The following HIVEP2 variants were observed in gnomAD, a reference collection of about 807,000 sequenced individuals.
The protein encoded by HIVEP2 is transcription factor HIVEP2.
HIVEP2 carries 14 observed loss-of-function variants against 180.7 expected under a neutral mutation model. The observed-to-expected ratio is 0.08, with a 90% confidence interval of 0.05 to 0.12. The LOEUF is 0.12. Among genes scored for constraint, HIVEP2 ranks in the 10% least tolerant of loss-of-function variants. HIVEP2 has a pLI of 1.00. For missense variants in HIVEP2, 2,579 were observed against 3,008.5 expected (o/e 0.86, Z 3.34); for synonymous variants, 1,184 against 1,136.4 (o/e 1.04, Z -0.84).
intron 2 of HIVEP2, among the ~76,000 whole-genome samples, chr6:142,807,460 G>T (rs1204892083): frequency 6.6e-6 from 1 of 152,166 alleles, no homozygotes; most frequent in African/African-American, 2.4e-5. Context: ...GCTGGATGTA[G>T]TTCTGGCAAA....
chr6:142,888,836 G>A (rs556541118), intron 1 of HIVEP2, among the ~76,000 whole-genome samples: 2 of 152,180 alleles, frequency 1.3e-5, no homozygotes, highest in East Asian at 1.9e-4. Flanking sequence ...TTAACCCAGT[G>A]CTTCTTTCAG....
intron 1 of HIVEP2, among the ~76,000 whole-genome samples, chr6:142,862,996 A>AATTATATATATTATAT (rs1776043052): frequency 7.1e-6 from 1 of 141,798 alleles, no homozygotes; most frequent in South Asian, 2.1e-4. Context: ...TATGATATAT[A>AATTATATATATTATAT]ATTACATATA....
At chr6:142,908,325 G>A (rs11966527) in intron 1 of HIVEP2, among the ~76,000 whole-genome samples, 2,567 of 152,208 alleles carry the variant, frequency 0.017, 90 homozygotes, top group African/African-American at 0.058. Context: ...AATCCTCAAG[G>A]TCCACATTTT....
chr6:142,782,887 A>G (rs1775891377), intron 3 of HIVEP2, among the ~76,000 whole-genome samples: 1 of 152,224 alleles, frequency 6.6e-6, no homozygotes, highest in African/African-American at 2.4e-5. Flanking sequence ...CTTTTAAAAT[A>G]ATTTTTTAAA....
At chr6:142,818,789 G>GAAAGAAAGAAAGAAA (rs1200606899) in intron 2 of HIVEP2, among the ~76,000 whole-genome samples, 2 of 122,354 alleles carry the variant, frequency 1.6e-5, no homozygotes, top group African/African-American at 6.7e-5. Context: ...AAGAAAGAAA[G>GAAAGAAAGAAAGAAA]AAAAAGAAAA....
Position 142,773,833 on chromosome 6 carries a change from T to C in HIVEP2, c.906A>G (p.Pro302=). ...AGCCGCCTCTGCTGGCAATGTCCAG[T>C]GGGATGGGTGGACCAGGACTCATTT... The part of the protein sequence containing the change: ...SDKMSPGPPI[P]LDIASRGGYH... The change falls in exon 5 of 10, where the codon CCA becomes CCG. Residue 302 remains proline, a synonymous_variant. Transcript: ENST00000367603. The C allele has an allele frequency of 5.0e-6, 8 of 1,613,588 alleles. No homozygotes were observed. Among genetic ancestry groups the C allele is most frequent in the Non-Finnish European group, 6.8e-6 (8 of 1,179,982 alleles).
At chr6:142,761,599 A>T (rs1399092543) in intron 7 of HIVEP2, 34 bp from the exon 8 acceptor site, 1 of 1,182,866 alleles carries the variant, frequency 8.5e-7, no homozygotes, top group Admixed American at 1.7e-5. Flanking sequence ...AGAGAAATTA[A>T]TTGGTTATCA....
chr6:142,843,833 C>A (rs1775435104), intron 1 of HIVEP2, among the ~76,000 whole-genome samples: 1 of 152,154 alleles, frequency 6.6e-6, no homozygotes, highest in Non-Finnish European at 1.5e-5. Flanking sequence ...CCTGGGAGCA[C>A]AAAATTACCA....
chr6:142,933,794 A>G (rs1196642235), intron 1 of HIVEP2, among the ~76,000 whole-genome samples: 1 of 152,250 alleles, frequency 6.6e-6, no homozygotes, highest in Non-Finnish European at 1.5e-5. Context: ...GTCATTTAGA[A>G]TATTCTCAGC....
chr6:142,912,620 T>C (rs1777442294), intron 1 of HIVEP2, among the ~76,000 whole-genome samples: 1 of 152,380 alleles, frequency 6.6e-6, no homozygotes, highest in South Asian at 2.1e-4. Context: ...CATTACTGCC[T>C]GAGCTCCACC....
chr6:142,773,284 G>C lies in HIVEP2; in HGVS notation c.1455C>G (p.Val485=). ...VSQLIPSKGD[V]DPSQTSMLKS... is the part of the protein sequence containing the mutation. Reference sequence around the variant, plus strand: ...TCAGCATGCTCGTTTGACTGGGGTCGACATCTCCCTTGCTTGGGATCAGCT... The same window carrying C: ...TCAGCATGCTCGTTTGACTGGGGTCCACATCTCCCTTGCTTGGGATCAGCT... Residue 485 remains valine (V), a synonymous_variant, in exon 5 of 10, where the codon GTC becomes GTG. Transcript: ENST00000367603. 6.2e-7 allele frequency: 1 copy of C among 1,614,140 alleles called. No individual in the cohort carries two copies. The highest frequency in any genetic ancestry group is 8.5e-7 in the Non-Finnish European group (1 of 1,180,032).
chr6:142,936,517 G>T (rs1778060165), intron 1 of HIVEP2, among the ~76,000 whole-genome samples: 2 of 152,012 alleles, frequency 1.3e-5, no homozygotes, highest in East Asian at 3.9e-4. Context: ...AATTCTACAG[G>T]TATGAAGGGC....
At chr6:142,850,603 C>T (rs1775623261) in intron 1 of HIVEP2, among the ~76,000 whole-genome samples, 2 of 152,110 alleles carry the variant, frequency 1.3e-5, no homozygotes, top group Admixed American at 1.3e-4. Context: ...AATATCAAAA[C>T]TAAGTTTAAA....
intron 8 of HIVEP2, 63 bp from the exon 9 acceptor site, chr6:142,760,730 T>A: frequency 8.2e-7 from 1 of 1,224,376 alleles, no homozygotes; most frequent in Non-Finnish European, 1.1e-6. Flanking sequence ...GGATCTTATT[T>A]AAGCCTCATT....
At chr6:142,928,119 T>C (rs192612315) in intron 1 of HIVEP2, among the ~76,000 whole-genome samples, 32 of 152,310 alleles carry the variant, frequency 2.1e-4, no homozygotes, top group African/African-American at 7.7e-4. Flanking sequence ...TCTTGGATTA[T>C]AACAAATGTA....
At chr6:142,914,543 T>C (rs1362223232) in intron 1 of HIVEP2, among the ~76,000 whole-genome samples, 1 of 152,216 alleles carries the variant, frequency 6.6e-6, no homozygotes, top group Non-Finnish European at 1.5e-5. Flanking sequence ...CAACACATTT[T>C]TACTCATAAA....
rs1464386836 is a variant in HIVEP2 at position 142,776,184 on chromosome 6, G to A, written c.-425C>T. ...GAGTTCTTATGGGCATGATTGTCCT[G>A]ACGCTTCCTGGATACAAAATAAATG... On this transcript the variant is annotated 5_prime_UTR_variant, in exon 4 of 10. Transcript: ENST00000367603. The A allele has an allele frequency of 6.6e-6, 1 of 152,548 alleles. No individual in the cohort carries two copies. Among genetic ancestry groups the A allele is most frequent in the African/African-American group, 2.4e-5 (1 of 41,422 alleles). 9.4% of individuals were successfully genotyped at this position (152,548 alleles called of 1,614,324 possible). A position where few individuals can be genotyped will look rare whatever the true frequency, so the allele number is the denominator to read the frequency against.
chr6:142,809,582 T>TGTTTGTTTGTTG lies in HIVEP2; in HGVS notation c.-527-25968_-527-25967insCAACAAACAAAC, dbSNP rs1434440935. ...TACTTAGCTAATATTCTGGGTTTTC[T>TGTTTGTTTGTTG]GTTTGTTTGTTTGTTTGTTTGTTTG... On this transcript the variant is annotated intron_variant, in intron 2 of 9. Transcript: ENST00000367603. Among the ~76,000 whole-genome samples, 3 of 4,592 alleles carry TGTTTGTTTGTTG rather than the reference T, an allele frequency of 6.5e-4. No homozygotes were observed. In the African/African-American group the frequency reaches 0.014, roughly 22 times the overall value. The allele number at this position is 4,592 out of a possible 152,430, so 3.0% of individuals were successfully genotyped here.
chr6:142,843,777 C>G (rs1160319118), intron 1 of HIVEP2, among the ~76,000 whole-genome samples: 3 of 152,170 alleles, frequency 2.0e-5, no homozygotes, highest in Non-Finnish European at 4.4e-5. Context: ...CAAATTTTCT[C>G]CATTGGCAGC....
Sources: allele counts gnomAD v4.1 joint callset (sites outside exome capture counted in the v4.1 genomes callset), GRCh38; gene constraint gnomAD v4.1.1; transcripts MANE v1.5; gene names NCBI Gene and HGNC (gene_info 2026-07-23, HGNC 2026-07-21).